The following YAP1 variants were observed in gnomAD, a reference collection of about 807,000 sequenced individuals.
The protein encoded by YAP1 is transcriptional coactivator YAP1.
A neutral mutation model predicts 56.9 loss-of-function variants in YAP1; 5 were observed. The ratio of observed to expected loss-of-function variants is 0.09; its 90% CI spans 0.05 to 0.18. The LOEUF (loss-of-function observed/expected upper bound fraction) is 0.18, where lower values mean the gene tolerates loss of function less well. YAP1 is among the 10% of genes least tolerant of loss of function. YAP1 has a pLI of 1.00. For synonymous variants in YAP1, 265 were observed against 248.1 expected, an observed-to-expected ratio of 1.07 and a Z score of -0.64; for missense variants, 539 against 651.8, an observed-to-expected ratio of 0.83 and a Z score of 1.88.
At position 102,209,670 on chromosome 11, in the gene YAP1, C is replaced by T. The variant is rs1416072603; in HGVS notation, c.1032+106C>T. On this transcript the variant is annotated intron_variant, in intron 6 of 8. Transcript: ENST00000282441. ...GGTCCTGTCCTTATTGGACATTAGC[C>T]CAGAGAATAACTTTGAGCCATCTTT... 5.8e-6 allele frequency: 6 copies of T among 1,033,212 alleles called. No homozygotes were observed. In the East Asian group the frequency reaches 1.4e-4, roughly 24 times the overall value. The allele number at this position is 1,033,212 out of a possible 1,614,324, so 64.0% of individuals were successfully genotyped here. A position where few individuals can be genotyped will look rare whatever the true frequency, so the allele number is the denominator to read the frequency against.
In YAP1 at chr11:102,110,835, G is replaced by C. The variant is rs1413848813; in HGVS notation, c.-14G>C. ...GCCTGGGTCAGGGGGTGCGCGTCGG[G>C]GGAGGCAGAAGCCATGGATCCCGGG... On this transcript the variant is annotated 5_prime_UTR_variant, in exon 1 of 9. Transcript: ENST00000282441. 8 of 1,392,732 alleles carry C rather than the reference G, an allele frequency of 5.7e-6. No individual in the cohort carries two copies. The highest frequency in any genetic ancestry group is 4.5e-5 in the African/African-American group (3 of 66,396). The allele number at this position is 1,392,732 out of a possible 1,614,324, so 86.3% of individuals were successfully genotyped here. A position where few individuals can be genotyped will look rare whatever the true frequency, so the allele number is the denominator to read the frequency against.
intron 4 of YAP1, among the ~76,000 whole-genome samples, chr11:102,199,353 A>T (rs1406283765): frequency 6.6e-6 from 1 of 152,238 alleles, no homozygotes; most frequent in Non-Finnish European, 1.5e-5. Context: ...TTTGTTGGTA[A>T]CAGATAAGAG....
intron 8 of YAP1, among the ~76,000 whole-genome samples, chr11:102,228,189 G>A (rs1950286157): frequency 6.6e-6 from 1 of 152,094 alleles, no homozygotes; most frequent in Non-Finnish European, 1.5e-5. Flanking sequence ...TCTCCTTATA[G>A]ATTAGTGTCC....
At chr11:102,123,447 C>T (rs186025494) in intron 2 of YAP1, among the ~76,000 whole-genome samples, 243 of 152,074 alleles carry the variant, frequency 1.6e-3, no homozygotes, top group Middle Eastern at 0.014. Flanking sequence ...TCTTTATTTG[C>T]TCACTCTTTG....
At chr11:102,218,899 A>C (rs1481107781) in intron 6 of YAP1, among the ~76,000 whole-genome samples, 1 of 152,252 alleles carries the variant, frequency 6.6e-6, no homozygotes, top group Non-Finnish European at 1.5e-5. Flanking sequence ...ATAGTGGCCA[A>C]ATTCAAAGCA....
chr11:102,181,270 C>T (rs944126353), intron 3 of YAP1, among the ~76,000 whole-genome samples: 1 of 151,782 alleles, frequency 6.6e-6, no homozygotes, highest in Non-Finnish European at 1.5e-5. Context: ...ACGGTGAAAC[C>T]CCGTCTCTAC....
chr11:102,116,214 C>A (rs1396702764), intron 2 of YAP1, among the ~76,000 whole-genome samples: 2 of 152,088 alleles, frequency 1.3e-5, no homozygotes, highest in African/African-American at 4.8e-5. Flanking sequence ...AAACTTTTTT[C>A]CTTGTCATTA....
intron 6 of YAP1, among the ~76,000 whole-genome samples, chr11:102,213,842 C>T (rs961065264): frequency 1.3e-5 from 2 of 152,214 alleles, no homozygotes; most frequent in Non-Finnish European, 2.9e-5. Flanking sequence ...CTTTGAGAGG[C>T]CGAGGCAGGC....
chr11:102,199,896 TCA>T (rs1331628684), intron 4 of YAP1, among the ~76,000 whole-genome samples: 2 of 152,238 alleles, frequency 1.3e-5, no homozygotes, highest in Non-Finnish European at 2.9e-5. Flanking sequence ...CACTGTCAAG[TCA>T]CAGAGTCACA....
chr11:102,153,830 T>A (rs900125302), intron 2 of YAP1, among the ~76,000 whole-genome samples: 3 of 151,582 alleles, frequency 2.0e-5, no homozygotes, highest in African/African-American at 7.3e-5. Flanking sequence ...AGAATAATAT[T>A]CCTCTCCATA....
At chr11:102,224,007 T>C (rs1009233914) in intron 7 of YAP1, among the ~76,000 whole-genome samples, 1 of 152,242 alleles carries the variant, frequency 6.6e-6, no homozygotes, top group African/African-American at 2.4e-5. Flanking sequence ...CTGCCTATAC[T>C]GTTGACTAAC....
At chr11:102,177,799 G>A (rs941073895) in intron 3 of YAP1, among the ~76,000 whole-genome samples, 5 of 152,120 alleles carry the variant, frequency 3.3e-5, no homozygotes, top group African/African-American at 1.2e-4. Context: ...CCAGTTGGAG[G>A]AGAAAGACTA....
At chr11:102,125,797 T>C (rs1341773143) in intron 2 of YAP1, among the ~76,000 whole-genome samples, 1 of 152,210 alleles carries the variant, frequency 6.6e-6, no homozygotes, top group African/African-American at 2.4e-5. Flanking sequence ...TAGGATATTA[T>C]ACTGTTTCTT....
chr11:102,152,065 A>C (rs970905870), intron 2 of YAP1, among the ~76,000 whole-genome samples: 1 of 152,230 alleles, frequency 6.6e-6, no homozygotes, highest in African/African-American at 2.4e-5. Flanking sequence ...TTAAGACAGC[A>C]GATTAGAAAC....
chr11:102,116,236 A>G (rs73577844), intron 2 of YAP1, among the ~76,000 whole-genome samples: 1,950 of 152,336 alleles, frequency 0.013, 46 homozygotes, highest in African/African-American at 0.045. Context: ...TTCCTAAATA[A>G]TGTAACAACT....
At chr11:102,208,171 T>G (rs904780985) in intron 5 of YAP1, among the ~76,000 whole-genome samples, 1 of 152,226 alleles carries the variant, frequency 6.6e-6, no homozygotes, top group Non-Finnish European at 1.5e-5. Context: ...AAGAGAATTA[T>G]TTACTAACCA....
At chr11:102,197,572 A>G (rs2135557555) in intron 4 of YAP1, among the ~76,000 whole-genome samples, 1 of 152,284 alleles carries the variant, frequency 6.6e-6, no homozygotes, top group East Asian at 1.9e-4. Flanking sequence ...CTTATTTTTC[A>G]GTAATTGCTC....
At chr11:102,174,650 G>A (rs1379039302) in intron 3 of YAP1, among the ~76,000 whole-genome samples, 3 of 152,060 alleles carry the variant, frequency 2.0e-5, no homozygotes, top group Non-Finnish European at 4.4e-5. Context: ...ACTTCACAAA[G>A]ACCGATCATA....
chr11:102,209,288 A>T (rs550004253), intron 5 of YAP1, among the ~76,000 whole-genome samples: 3 of 152,106 alleles, frequency 2.0e-5, no homozygotes, highest in Admixed American at 6.5e-5. Flanking sequence ...TTTAGTTCTG[A>T]CTCCTAAAGT....
Sources: gnomAD v4.1 joint callset for allele counts (sites outside exome capture counted in the v4.1 genomes callset) on GRCh38, gnomAD v4.1.1 for gene constraint, MANE v1.5 for transcripts, NCBI Gene and HGNC (gene_info 2026-07-23, HGNC 2026-07-21) for gene names.